The following BRSK1 variants were observed in gnomAD, a reference collection of about 807,000 sequenced individuals.
The protein encoded by BRSK1 is serine/threonine-protein kinase BRSK1.
A neutral mutation model predicts 86.2 loss-of-function variants in BRSK1; 17 were observed. That is an observed-to-expected ratio of 0.20 (90% CI 0.14 to 0.30). The LOEUF (loss-of-function observed/expected upper bound fraction) is 0.30. BRSK1 is among the 10% of genes least tolerant of loss of function. BRSK1 has a pLI of 1.00. For synonymous variants in BRSK1, 464 were observed against 440.1 expected, an observed-to-expected ratio of 1.05 and a Z score of -0.68; for missense variants, 719 against 1,071.9, an observed-to-expected ratio of 0.67 and a Z score of 4.60.
At chr19:55,298,955 TGGGTGC>T (rs1487528296) in intron 7 of BRSK1, among the ~76,000 whole-genome samples, 1 of 152,108 alleles carries the variant, frequency 6.6e-6, no homozygotes, top group Non-Finnish European at 1.5e-5. Flanking sequence ...GTCTTTAAGC[TGGGTGC>T]GGTGGCTCAC....
Position 55,303,936 on chromosome 19 carries a change from C to A in BRSK1, c.1286+110C>A. On this transcript the variant is annotated intron_variant, in intron 12 of 18. Coordinates refer to ENST00000309383, the MANE Select transcript of BRSK1 (RefSeq NM_032430.2). The surrounding 1 kb of genome is among the most constrained non-coding windows in gnomAD (Gnocchi z 5.1). ...GCTGTGTCCTTGGGACAATTCACCT[C>A]CCCTCTCTGGGCCTCATTTCCTCAC... 1 of 1,507,700 alleles carries A rather than the reference C, an allele frequency of 6.6e-7. No individual in the cohort carries two copies. The highest frequency in any genetic ancestry group is 1.3e-5 in the South Asian group (1 of 76,640). 93.4% of individuals were successfully genotyped at this position (1,507,700 alleles called of 1,614,324 possible).
At chr19:55,286,906 C>A in intron 1 of BRSK1, 101 bp from the exon 2 acceptor site, 1 of 1,055,346 alleles carries the variant, frequency 9.5e-7, no homozygotes, top group Non-Finnish European at 1.5e-6. Context: ...AAACAGCCAG[C>A]CCAGGAGGAA....
Position 55,303,406 on chromosome 19 carries a change from T to C in BRSK1, c.1124T>C (p.Val375Ala). 6.2e-7 allele frequency: 1 copy of C among 1,613,578 alleles called. No homozygotes were observed. Among genetic ancestry groups the C allele is most frequent in the Non-Finnish European group, 8.5e-7 (1 of 1,179,678 alleles). ...EDQDLPPRND[V>A]DPPRKRVDSP... The stretch of plus-strand genomic sequence containing the variant: ...CAGGACCTGCCTCCCCGGAATGATG[T>C]TGGTGAGAAGGCAGGGCTAGGGGAC... The change falls in exon 11 of 19, where the codon GTT becomes GCT. Residue 375 changes from valine to alanine, a missense_variant and splice_region_variant. By Grantham distance (64) the Val-to-Ala change is moderately conservative. This residue lies in a region of BRSK1 where 168 missense variants were observed against 246.3 expected (regional missense o/e 0.68). Transcript: ENST00000309383. This position sits in a 1 kb window ranked among gnomAD's most constrained non-coding sequence, Gnocchi z 5.1.
At chr19:55,286,902 C>G in intron 1 of BRSK1, 105 bp from the exon 2 acceptor site, 2 of 1,011,958 alleles carry the variant, frequency 2.0e-6, no homozygotes, top group Non-Finnish European at 1.5e-6. Context: ...TGTTAAACAG[C>G]CAGCCCAGGA....
intron 16 of BRSK1, 111 bp downstream of exon 16, chr19:55,305,697 G>A (rs1437291011): frequency 1.3e-6 from 2 of 1,506,998 alleles, no homozygotes; most frequent in African/African-American, 1.4e-5. Flanking sequence ...GGGCTCATGG[G>A]ATTTGTAGTT....
chr19:55,305,645 C>T (rs2088639520), intron 16 of BRSK1, 59 bp downstream of exon 16: 3 of 1,609,940 alleles, frequency 1.9e-6, no homozygotes, highest in African/African-American at 1.3e-5. Flanking sequence ...TCCCAGCAGC[C>T]CCTGGGGCTA....
chr19:55,301,991 A>AGAG lies in BRSK1; in HGVS notation c.826-144_826-142dup, dbSNP rs2088577817. The AGAG allele has an allele frequency of 4.0e-6, 4 of 998,616 alleles. No individual in the cohort carries two copies. The South Asian group carries it at 5.1e-5, about 13-fold the overall frequency. 61.9% of individuals were successfully genotyped at this position (998,616 alleles called of 1,614,324 possible). On this transcript the variant is annotated intron_variant, in intron 8 of 18. Transcript: ENST00000309383. Reference sequence around the variant, plus strand: ...CGGGGCGATGCACTCAGTCGCCACTAGAGGGCGATGTAATATGTCATCCTG... The same window carrying AGAG: ...CGGGGCGATGCACTCAGTCGCCACTAGAGGAGGGCGATGTAATATGTCATCCTG...
chr19:55,305,872 A>T (rs558258594), intron 16 of BRSK1, among the ~76,000 whole-genome samples: 2 of 152,330 alleles, frequency 1.3e-5, no homozygotes, highest in African/African-American at 4.8e-5. Context: ...TTCCCAGGCA[A>T]TGTTAAGGCT....
chr19:55,305,269 A>G, intron 14 of BRSK1, 52 bp from the exon 15 acceptor site: 1 of 1,607,756 alleles, frequency 6.2e-7, no homozygotes, highest in South Asian at 1.1e-5. Context: ...GTGTGCTGGC[A>G]ACTGGGATGA....
rs950882647 is a variant in BRSK1 at position 55,284,253 on chromosome 19, A to AG, written c.-189dup. Reference sequence around the variant, plus strand: ...TCCCGGGGCCTGACCCCCCCGGGCCAGCCCCCCCTCCCCCAGCTCCGCGGC... The same window carrying AG: ...TCCCGGGGCCTGACCCCCCCGGGCCAGGCCCCCCCTCCCCCAGCTCCGCGGC... On this transcript the variant is annotated 5_prime_UTR_variant, in exon 1 of 19. Transcript: ENST00000309383. The AG allele has an allele frequency of 6.6e-6, 3 of 452,870 alleles. No individual in the cohort carries two copies. Among genetic ancestry groups the AG allele is most frequent in the Non-Finnish European group, 1.1e-5 (3 of 284,674 alleles). The allele number at this position is 452,870 out of a possible 1,614,324, so 28.1% of individuals were successfully genotyped here. A position where few individuals can be genotyped will look rare whatever the true frequency, so the allele number is the denominator to read the frequency against.
rs1372861397 is a variant in BRSK1 at position 55,284,159 on chromosome 19, G to C, written c.-284G>C. On this transcript the variant is annotated 5_prime_UTR_variant, in exon 1 of 19. Transcript: ENST00000309383. ...GACCCCCCCGGCGGGGGGAGGCGCA[G>C]GAAGCGGGGGGCCGGCCAGAAACGG... The C allele has an allele frequency of 5.5e-6, 6 of 1,086,100 alleles. No homozygotes were observed. Among genetic ancestry groups the C allele is most frequent in the Non-Finnish European group, 7.0e-6 (6 of 856,314 alleles). The allele number at this position is 1,086,100 out of a possible 1,614,324, so 67.3% of individuals were successfully genotyped here.
chr19:55,305,597 TGG>T lies in BRSK1; in HGVS notation c.1890+13_1890+14del. The T allele has an allele frequency of 6.2e-7, 1 of 1,613,844 alleles. No homozygotes were observed. The highest frequency in any genetic ancestry group is 2.2e-5 in the East Asian group (1 of 44,886). On this transcript the variant is annotated intron_variant, in intron 16 of 18. Coordinates refer to ENST00000309383, the MANE Select transcript of BRSK1 (RefSeq NM_032430.2). ...CATGCCTTTCTGTCGGTGAGGGGCC[TGG>T]GTCCCCATCGAGCCTGGCCCCCGCA...
At position 55,304,493 on chromosome 19, in the gene BRSK1, C is replaced by G. The variant is rs2088617323; in HGVS notation, c.1348-58C>G. 6.8e-7 allele frequency: 1 copy of G among 1,480,412 alleles called. No homozygotes were observed. The allele number at this position is 1,480,412 out of a possible 1,614,324, so 91.7% of individuals were successfully genotyped here. A position where few individuals can be genotyped will look rare whatever the true frequency, so the allele number is the denominator to read the frequency against. On this transcript the variant is annotated intron_variant, in intron 13 of 18. Coordinates refer to ENST00000309383, the MANE Select transcript of BRSK1 (RefSeq NM_032430.2). The surrounding 1 kb of genome is among the most constrained non-coding windows in gnomAD (Gnocchi z 5.2). ...GTGAGTGTGCGTGTGAGTGGGGCTC[C>G]TAGAGCCTCCTGGGAGTTGTAGTCC... is the stretch of plus-strand genomic sequence containing the variant.
At chr19:55,288,021 G>A (rs2088345232) in intron 3 of BRSK1, 1 of 154,138 alleles carries the variant, frequency 6.5e-6, no homozygotes, top group Non-Finnish European at 1.4e-5. Context: ...TGTCTGCCCG[G>A]CGCTCATGGG....
chr19:55,304,469 T>G lies in BRSK1; in HGVS notation c.1348-82T>G. On this transcript the variant is annotated intron_variant, in intron 13 of 18. Coordinates refer to ENST00000309383, the MANE Select transcript of BRSK1 (RefSeq NM_032430.2). This position sits in a 1 kb window ranked among gnomAD's most constrained non-coding sequence, Gnocchi z 5.2. ...GCAGCATGCACCGGGCCAGCGTCCG[T>G]GAGTGTGCGTGTGAGTGGGGCTCCT... 2 of 1,428,870 alleles carry G rather than the reference T, an allele frequency of 1.4e-6. No individual in the cohort carries two copies. Among genetic ancestry groups the G allele is most frequent in the Non-Finnish European group, 1.9e-6 (2 of 1,078,778 alleles). The allele number at this position is 1,428,870 out of a possible 1,614,324, so 88.5% of individuals were successfully genotyped here.
rs2088816835 is a variant in BRSK1 at position 55,312,175 on chromosome 19, C to T, written c.*107C>T. 3.6e-6 allele frequency: 2 copies of T among 560,504 alleles called. No homozygotes were observed. The highest frequency in any genetic ancestry group is 5.4e-5 in the South Asian group (2 of 37,088). The allele number at this position is 560,504 out of a possible 1,614,324, so 34.7% of individuals were successfully genotyped here. A position where few individuals can be genotyped will look rare whatever the true frequency, so the allele number is the denominator to read the frequency against. ...AGGAACATGTCGGGAGGGGGGTGGA[C>T]ACAAAAACCGGCCTTGCCCTGCAGG... is the stretch of plus-strand genomic sequence containing the variant. On this transcript the variant is annotated 3_prime_UTR_variant, in exon 19 of 19. Coordinates refer to ENST00000309383, the MANE Select transcript of BRSK1 (RefSeq NM_032430.2).
Position 55,306,368 on chromosome 19 carries a change from C to T in BRSK1, c.2007C>T (p.Ser669=), listed in dbSNP as rs761615277. 1.2e-6 allele frequency: 2 copies of T among 1,613,986 alleles called. No individual in the cohort carries two copies. Among genetic ancestry groups the T allele is most frequent in the Non-Finnish European group, 1.7e-6 (2 of 1,180,052 alleles). Residue 669 remains serine, a synonymous_variant, in exon 17 of 19, where the codon TCC becomes TCT. Coordinates refer to ENST00000309383, the MANE Select transcript of BRSK1 (RefSeq NM_032430.2). This position sits in a 1 kb window ranked among gnomAD's most constrained non-coding sequence, Gnocchi z 4.7. ...KPVRFQVDIS[S]SEGPEPSPRR... ...TCCGCTTCCAGGTGGACATCAGCTC[C>T]TCTGAGGGTCCAGAGCCCTCCCCGC...
chr19:55,297,032 ATAAG>A, intron 7 of BRSK1, among the ~76,000 whole-genome samples: 1 of 152,150 alleles, frequency 6.6e-6, no homozygotes, highest in Admixed American at 6.6e-5. Context: ...AAATAAATAA[ATAAG>A]TAATAAGTAG....
At position 55,307,242 on chromosome 19, in the gene BRSK1, C is replaced by A. The variant is rs77217491; in HGVS notation, c.2089+792C>A. ...TCCGTCACCAAAACCAATTATGACT[C>A]TTTATTTTTCTGTCCCCCTTAAAGA... On this transcript the variant is annotated intron_variant, in intron 17 of 18. Transcript: ENST00000309383. Among the ~76,000 whole-genome samples the A allele has an allele frequency of 2.0e-3, 309 of 152,292 alleles. 6 individuals carry two copies. In the East Asian group the frequency reaches 0.02, roughly 10 times the overall value.
Sources: gnomAD v4.1 joint callset for allele counts (sites outside exome capture counted in the v4.1 genomes callset) on GRCh38, gnomAD v4.1.1 for gene constraint, gnomAD v4.1.1 regional missense constraint, Gnocchi (gnomAD v3.1) non-coding constraint, MANE v1.5 for transcripts, NCBI Gene and HGNC (gene_info 2026-07-23, HGNC 2026-07-21) for gene names.